The following UBE2U variants were observed in gnomAD, a reference collection of about 807,000 sequenced individuals.
The protein encoded by UBE2U is ubiquitin-conjugating enzyme E2 U.
Under a neutral mutation model 41.2 loss-of-function variants are expected in UBE2U, and 39 were observed. The observed-to-expected ratio is 0.95, with a 90% CI of 0.73 to 1.24. UBE2U has a LOEUF of 1.24. Among genes scored for constraint, UBE2U ranks in the 50% most tolerant of loss-of-function variants. The pLI is 0.00. For missense variants in UBE2U, 336 were observed against 363.1 expected, an observed-to-expected ratio of 0.93 and a Z score of 0.61; for synonymous variants, 107 against 117.8, an observed-to-expected ratio of 0.91 and a Z score of 0.60.
rs990885192 is a variant in UBE2U, at chr1:64,228,110, G to A, written c.507-4451G>A. ...TAAAAGCACAAAGGACATAGAATGAGAAAGCAATTTTGAAGAACAAAGTTA... is the reference window on the plus strand; with the variant it reads ...TAAAAGCACAAAGGACATAGAATGAAAAAGCAATTTTGAAGAACAAAGTTA... On this transcript the variant is annotated intron_variant, in intron 6 of 9. Coordinates refer to ENST00000371077, the MANE Select transcript of UBE2U (RefSeq NM_001366232.2). 9.2e-5 allele frequency among the ~76,000 whole-genome samples: 14 copies of A among 152,238 alleles called. No individual in the cohort carries two copies. The South Asian group carries it at 1.0e-3, about 11-fold the overall frequency.
chr1:64,257,678 A>T (rs1157280823), intron 8 of UBE2U, among the ~76,000 whole-genome samples: 1 of 152,006 alleles, frequency 6.6e-6, no homozygotes, highest in African/African-American at 2.4e-5. Flanking sequence ...GGCTTAGTAC[A>T]TAGGTGATGG....
intron 7 of UBE2U, among the ~76,000 whole-genome samples, chr1:64,239,143 A>AGGAG (rs1557730613): frequency 3.9e-5 from 1 of 25,566 alleles, no homozygotes; most frequent in Non-Finnish European, 6.6e-5. Flanking sequence ...AAGAAGAAGA[A>AGGAG]GAAGAAGAAG....
At chr1:64,245,735 C>T (rs983402033) in intron 8 of UBE2U, among the ~76,000 whole-genome samples, 3 of 152,126 alleles carry the variant, frequency 2.0e-5, no homozygotes, top group Admixed American at 6.6e-5. Flanking sequence ...TACTCCAAGT[C>T]AGACCACTTT....
intron 7 of UBE2U, among the ~76,000 whole-genome samples, chr1:64,233,372 A>T (rs1039081): frequency 6.6e-6 from 1 of 151,708 alleles, no homozygotes; most frequent in Non-Finnish European, 1.5e-5. Context: ...CTCCTGGCCT[A>T]AAGCAATCCT....
chr1:64,263,032 A>G (rs969948085), intron 9 of UBE2U, among the ~76,000 whole-genome samples: 17 of 143,484 alleles, frequency 1.2e-4, no homozygotes, highest in African/African-American at 4.2e-4. Flanking sequence ...GATTTGGGGG[A>G]AAAAAAGGTG....
intron 8 of UBE2U, among the ~76,000 whole-genome samples, chr1:64,245,122 A>G (rs1644898718): frequency 6.6e-6 from 1 of 152,182 alleles, no homozygotes; most frequent in Admixed American, 6.6e-5. Context: ...TAATAGAAAC[A>G]TTGTCATTAT....
At chr1:64,207,818 T>C (rs1651396755) in intron 3 of UBE2U, among the ~76,000 whole-genome samples, 2 of 152,194 alleles carry the variant, frequency 1.3e-5, no homozygotes, top group South Asian at 4.1e-4. Flanking sequence ...CTGCAAAACC[T>C]GTTAAAACTT....
At position 64,203,853 on chromosome 1, in the gene UBE2U, T is replaced by C. The variant is rs1435096075; in HGVS notation, c.-198T>C. 1 of 434,600 alleles carries C rather than the reference T, an allele frequency of 2.3e-6. No individual in the cohort carries two copies. The highest frequency in any genetic ancestry group is 4.1e-6 in the Non-Finnish European group (1 of 242,988). 26.9% of individuals were successfully genotyped at this position (434,600 alleles called of 1,614,324 possible). A position where few individuals can be genotyped will look rare whatever the true frequency, so the allele number is the denominator to read the frequency against. Reference sequence around the variant, plus strand: ...AGTCTTCCTTCGGGAAGTTCTCGTTTAGAGGAGTCAGGAGAAAAAGTCATT... The same window carrying C: ...AGTCTTCCTTCGGGAAGTTCTCGTTCAGAGGAGTCAGGAGAAAAAGTCATT... On this transcript the variant is annotated 5_prime_UTR_variant, in exon 1 of 10. Transcript: ENST00000371077.
intron 7 of UBE2U, among the ~76,000 whole-genome samples, chr1:64,240,596 A>T (rs1344031703): frequency 6.6e-6 from 1 of 152,168 alleles, no homozygotes; most frequent in East Asian, 1.9e-4. Flanking sequence ...TTGCTTTGTG[A>T]AGGATCAAGC....
chr1:64,252,075 A>T, intron 8 of UBE2U, among the ~76,000 whole-genome samples: 1 of 152,162 alleles, frequency 6.6e-6, no homozygotes, highest in East Asian at 1.9e-4. Flanking sequence ...AGCTCTGGAG[A>T]GTCCAGGCAT....
intron 9 of UBE2U, among the ~76,000 whole-genome samples, chr1:64,262,550 A>G (rs1645194181): frequency 6.6e-6 from 1 of 152,066 alleles, no homozygotes; most frequent in Non-Finnish European, 1.5e-5. Context: ...CTGGCTGGGT[A>G]TATGTGGGAG....
At chr1:64,248,593 T>C (rs1486260497) in intron 8 of UBE2U, among the ~76,000 whole-genome samples, 1 of 151,846 alleles carries the variant, frequency 6.6e-6, no homozygotes, top group Non-Finnish European at 1.5e-5. Context: ...CTTAATATTA[T>C]GACATTTTAC....
At chr1:64,230,801 A>G (rs1049748512) in intron 6 of UBE2U, among the ~76,000 whole-genome samples, 7 of 152,154 alleles carry the variant, frequency 4.6e-5, no homozygotes, top group Non-Finnish European at 8.8e-5. Flanking sequence ...GTCCAGGTAT[A>G]TATCTTATTT....
At chr1:64,228,146 AC>A (rs1653005061) in intron 6 of UBE2U, among the ~76,000 whole-genome samples, 2 of 152,190 alleles carry the variant, frequency 1.3e-5, no homozygotes, top group Admixed American at 6.5e-5. Context: ...CAGCATAGAT[AC>A]CCCTAGATAT....
Position 64,267,093 on chromosome 1 carries a change from G to A in UBE2U, c.839G>A (p.Gly280Glu), listed in dbSNP as rs962217572. ...GACATTTATGAAACAGAAGAGGAGG[G>A]GTGGAAGAGTGACACTTCATTATAT... ...ITDIYETEEE[G>E]WKSDTSLYEN... The change falls in exon 10 of 10, where the codon GGG becomes GAG. Residue 280 changes from glycine (G) to glutamate (E), a missense_variant. Physicochemically the swap from Gly to Glu is moderately conservative, Grantham distance 98. Coordinates refer to ENST00000371077, the MANE Select transcript of UBE2U (RefSeq NM_001366232.2). 1.3e-6 allele frequency: 2 copies of A among 1,550,374 alleles called. No individual in the cohort carries two copies. The highest frequency in any genetic ancestry group is 2.0e-5 in the Admixed American group (1 of 50,950).
intron 8 of UBE2U, among the ~76,000 whole-genome samples, chr1:64,254,352 A>C (rs760791105): frequency 1.2e-4 from 19 of 152,104 alleles, no homozygotes; most frequent in Non-Finnish European, 1.9e-4. Flanking sequence ...ACATATCATC[A>C]AGACAGAAAA....
rs111907703 is a variant in UBE2U, at chr1:64,265,065, G to A, written c.770-1959G>A. Among the ~76,000 whole-genome samples the A allele has an allele frequency of 1.5e-3, 224 of 152,250 alleles. 1 individual carries two copies. The highest frequency in any genetic ancestry group is 5.2e-3 in the African/African-American group (215 of 41,536). ...GGTTTTGCCGTCCACTCTTAAAAATGAGATCTTGGTGAGAAGATCGCTTTT... is the reference window on the plus strand; with the variant it reads ...GGTTTTGCCGTCCACTCTTAAAAATAAGATCTTGGTGAGAAGATCGCTTTT... On this transcript the variant is annotated intron_variant, in intron 9 of 9. Coordinates refer to ENST00000371077, the MANE Select transcript of UBE2U (RefSeq NM_001366232.2).
intron 9 of UBE2U, among the ~76,000 whole-genome samples, chr1:64,261,088 G>A (rs1311208317): frequency 6.6e-6 from 1 of 152,166 alleles, no homozygotes; most frequent in Middle Eastern, 3.2e-3. Flanking sequence ...ACAATGCTGA[G>A]TTGTTTTTCG....
At chr1:64,205,598 T>G (rs755669600) in intron 1 of UBE2U, 41 bp from the exon 2 acceptor site, 9 of 1,525,006 alleles carry the variant, frequency 5.9e-6, no homozygotes, top group Non-Finnish European at 8.1e-6. Flanking sequence ...AATAAATACT[T>G]AATAAGTTTT....
Sources: allele counts gnomAD v4.1 joint callset (sites outside exome capture counted in the v4.1 genomes callset), GRCh38; gene constraint gnomAD v4.1.1; transcripts MANE v1.5; gene names NCBI Gene and HGNC (gene_info 2026-07-23, HGNC 2026-07-21).